FSTL5: variants seen among roughly 807,000 people sequenced by gnomAD.
The protein encoded by FSTL5 is follistatin-related protein 5.
FSTL5 carries 62 observed loss-of-function variants against 89.1 expected under a neutral mutation model. The observed-to-expected ratio is 0.70, with a 90% confidence interval of 0.57 to 0.86. The LOEUF (loss-of-function observed/expected upper bound fraction) is 0.86. FSTL5 is among the 40% of genes least tolerant of loss of function. The pLI is 0.00. For missense variants in FSTL5, 1,057 were observed against 1,001.6 expected (o/e 1.06, Z -0.75); for synonymous variants, 383 against 346.2 (o/e 1.11, Z -1.18).
At chr4:161,599,163 T>C (rs1394035776) in intron 7 of FSTL5, among the ~76,000 whole-genome samples, 1 of 151,992 alleles carries the variant, frequency 6.6e-6, no homozygotes, top group Non-Finnish European at 1.5e-5. Context: ...GTACTGAAAA[T>C]GAAATCACAA....
intron 11 of FSTL5, among the ~76,000 whole-genome samples, chr4:161,505,117 G>T (rs28581439): frequency 0.017 from 2,577 of 152,096 alleles, 67 homozygotes; most frequent in African/African-American, 0.058. Context: ...TTACTTTCAA[G>T]TGATCCTAAA....
At chr4:161,547,549 G>A (rs910305231) in intron 8 of FSTL5, among the ~76,000 whole-genome samples, 5 of 151,594 alleles carry the variant, frequency 3.3e-5, no homozygotes, top group African/African-American at 7.3e-5. Context: ...AAAAATTCCC[G>A]TATAAAATAT....
chr4:161,621,274 ACAC>A (rs1735111829), intron 7 of FSTL5, among the ~76,000 whole-genome samples: 2 of 76,398 alleles, frequency 2.6e-5, no homozygotes, highest in Non-Finnish European at 4.7e-5. Context: ...GACTACACAC[ACAC>A]ACACACACAC....
At chr4:161,545,940 G>A (rs1578914415) in intron 8 of FSTL5, among the ~76,000 whole-genome samples, 1 of 151,790 alleles carries the variant, frequency 6.6e-6, no homozygotes. Flanking sequence ...GTTTTAAAAA[G>A]CCACAAAATT....
At chr4:162,133,999 C>G (rs1732421155) in intron 1 of FSTL5, among the ~76,000 whole-genome samples, 1 of 152,184 alleles carries the variant, frequency 6.6e-6, no homozygotes, top group Non-Finnish European at 1.5e-5. Flanking sequence ...GACTTGTGAT[C>G]TGGCCCCAAC....
At chr4:161,551,210 AG>A (rs1327570511) in intron 8 of FSTL5, among the ~76,000 whole-genome samples, 4 of 149,552 alleles carry the variant, frequency 2.7e-5, no homozygotes, top group African/African-American at 4.9e-5. Flanking sequence ...ACAGTGTAAA[AG>A]TGTTCCTATT....
intron 4 of FSTL5, among the ~76,000 whole-genome samples, chr4:161,818,737 C>T (rs562245198): frequency 1.1e-3 from 167 of 152,216 alleles, no homozygotes; most frequent in African/African-American, 3.7e-3. Flanking sequence ...TTTTCTATAA[C>T]TTAATGTATT....
chr4:162,017,370 A>C (rs1736944151), intron 3 of FSTL5, among the ~76,000 whole-genome samples: 1 of 152,174 alleles, frequency 6.6e-6, no homozygotes, highest in South Asian at 2.1e-4. Flanking sequence ...ATAAAAGTAA[A>C]TGCATTGTTC....
At chr4:161,759,686 A>C (rs1740715092) in intron 5 of FSTL5, among the ~76,000 whole-genome samples, 155 bp from the exon 6 acceptor site, 1 of 152,234 alleles carries the variant, frequency 6.6e-6, no homozygotes, top group Non-Finnish European at 1.5e-5. Context: ...TAGTTACTGA[A>C]CAATCATTTT....
intron 7 of FSTL5, among the ~76,000 whole-genome samples, chr4:161,654,482 A>G (rs1283182754): frequency 6.6e-6 from 1 of 152,116 alleles, no homozygotes; most frequent in Non-Finnish European, 1.5e-5. Context: ...TATGTGCTCA[A>G]TGTTCTTGGC....
intron 1 of FSTL5, among the ~76,000 whole-genome samples, chr4:162,118,796 A>T (rs1224412113): frequency 2.0e-5 from 3 of 152,168 alleles, no homozygotes; most frequent in African/African-American, 7.2e-5. Context: ...GTAGGGTAGT[A>T]CCAGATGGTA....
intron 6 of FSTL5, among the ~76,000 whole-genome samples, chr4:161,748,932 A>C (rs115897879): frequency 6.6e-6 from 1 of 152,128 alleles, no homozygotes; most frequent in African/African-American, 2.4e-5. Context: ...AAAATGTTTA[A>C]CATCACTAAG....
chr4:162,159,026 A>G (rs900890361), intron 1 of FSTL5, among the ~76,000 whole-genome samples: 1 of 152,060 alleles, frequency 6.6e-6, no homozygotes, highest in African/African-American at 2.4e-5. Flanking sequence ...GTAGAGTCAC[A>G]GCAATTGCTG....
chr4:162,030,016 C>T (rs1215670399), intron 3 of FSTL5, among the ~76,000 whole-genome samples: 1 of 151,168 alleles, frequency 6.6e-6, no homozygotes, highest in Non-Finnish European at 1.5e-5. Context: ...TCAAGCTATT[C>T]TCCTGTGTTA....
At chr4:161,412,827 G>T (rs1384679153) in intron 15 of FSTL5, among the ~76,000 whole-genome samples, 1 of 152,178 alleles carries the variant, frequency 6.6e-6, no homozygotes, top group Non-Finnish European at 1.5e-5. Flanking sequence ...GAAAGGACTT[G>T]CTATTCAATA....
rs558228277 is a variant in FSTL5, at chr4:161,970,522, C to G, written c.161-49870G>C. Among the ~76,000 whole-genome samples, 16 of 152,040 alleles carry G rather than the reference C, an allele frequency of 1.1e-4. No homozygotes were observed. In the East Asian group the frequency reaches 3.1e-3, roughly 29 times the overall value. ...CTGGGTAATAAAATTTTTAAAAAGCCTTACTTCACTTAAAATTAACTTACA... is the reference window on the plus strand; with the variant it reads ...CTGGGTAATAAAATTTTTAAAAAGCGTTACTTCACTTAAAATTAACTTACA... On this transcript the variant is annotated intron_variant, in intron 3 of 15. Transcript: ENST00000306100.
At chr4:161,432,756 C>T (rs977929392) in intron 15 of FSTL5, among the ~76,000 whole-genome samples, 19 of 151,636 alleles carry the variant, frequency 1.3e-4, no homozygotes, top group African/African-American at 4.4e-4. Context: ...GACATTAGAA[C>T]TGATAGCACA....
chr4:161,681,654 A>G (rs1737525099), intron 6 of FSTL5, among the ~76,000 whole-genome samples: 1 of 152,088 alleles, frequency 6.6e-6, no homozygotes, highest in Non-Finnish European at 1.5e-5. Context: ...TTATTTAAAT[A>G]TTTATCTTTA....
At chr4:161,865,978 A>C (rs1307752025) in intron 4 of FSTL5, among the ~76,000 whole-genome samples, 1 of 152,166 alleles carries the variant, frequency 6.6e-6, no homozygotes, top group Non-Finnish European at 1.5e-5. Flanking sequence ...TAGTTAGAAA[A>C]GAGGGGGCAG....
Sources: allele counts gnomAD v4.1 joint callset (sites outside exome capture counted in the v4.1 genomes callset), GRCh38; gene constraint gnomAD v4.1.1; transcripts MANE v1.5; gene names NCBI Gene and HGNC (gene_info 2026-07-23, HGNC 2026-07-21).